NDUFAF6: variants seen among roughly 807,000 people sequenced by gnomAD.
The protein encoded by NDUFAF6 is NADH:ubiquinone oxidoreductase complex assembly factor 6.
Under a neutral mutation model 40.8 loss-of-function variants are expected in NDUFAF6, and 45 were observed. That is an observed-to-expected ratio of 1.10 (90% CI 0.87 to 1.42). The LOEUF (loss-of-function observed/expected upper bound fraction) is 1.42. Among genes scored for constraint, NDUFAF6 ranks in the 40% most tolerant of loss-of-function variants. The pLI is 0.00. For synonymous variants in NDUFAF6, 185 were observed against 155.9 expected (o/e 1.19, Z -1.39); for missense variants, 435 against 418.5 (o/e 1.04, Z -0.34).
At chr8:94,992,440 T>A (rs113053606) in intron 2 of NDUFAF6, among the ~76,000 whole-genome samples, 65 of 152,170 alleles carry the variant, frequency 4.3e-4, no homozygotes, top group African/African-American at 1.4e-3. Context: ...TAAGCTGAGA[T>A]TGCACCACTG....
intron 1 of NDUFAF6, chr8:94,932,003 C>T: frequency 1.4e-6 from 2 of 1,468,304 alleles, no homozygotes; most frequent in Admixed American, 2.1e-5. Context: ...TTTAAAAGGT[C>T]AGCATTTGGG....
At chr8:95,032,346 C>T (rs889266532) in intron 2 of NDUFAF6, among the ~76,000 whole-genome samples, 2 of 152,168 alleles carry the variant, frequency 1.3e-5, no homozygotes, top group African/African-American at 4.8e-5. Context: ...TATTATAAAA[C>T]TGTGCCATTA....
At chr8:95,099,847 G>A (rs183679236), upstream of NDUFAF6, among the ~76,000 whole-genome samples, 2 of 152,186 alleles carry the variant, frequency 1.3e-5, no homozygotes, top group South Asian at 2.1e-4. Flanking sequence ...TCACTAAATC[G>A]TTTCCTATAA....
chr8:95,098,056 T>C (rs1809524546), upstream of NDUFAF6, among the ~76,000 whole-genome samples: 1 of 152,180 alleles, frequency 6.6e-6, no homozygotes, highest in South Asian at 2.1e-4. Flanking sequence ...CAGGTTTCTG[T>C]TGAGAGCAGC....
chr8:95,025,526 C>G (rs953666582), intron 1 of NDUFAF6, among the ~76,000 whole-genome samples: 5 of 152,138 alleles, frequency 3.3e-5, no homozygotes. Context: ...TAGTTTTAAC[C>G]ACAACGGTAG....
At chr8:94,973,675 T>C (rs1824670364) in intron 1 of NDUFAF6, among the ~76,000 whole-genome samples, 1 of 145,414 alleles carries the variant, frequency 6.9e-6, no homozygotes, top group African/African-American at 2.6e-5. Flanking sequence ...ACCACTGCAC[T>C]CCAGCCTGGG....
In NDUFAF6 at chr8:95,058,282, G is replaced by A. The variant is rs867837549; in HGVS notation, c.*345G>A. The A allele has an allele frequency of 8.5e-6, 11 of 1,287,382 alleles. No homozygotes were observed. The African/African-American group carries it at 1.4e-4, about 16-fold the overall frequency. 79.7% of individuals were successfully genotyped at this position (1,287,382 alleles called of 1,614,324 possible). On this transcript the variant is annotated 3_prime_UTR_variant, in exon 9 of 9. Transcript: ENST00000396124. ...GGAATGTCATTCTCCCTTCACCACT[G>A]GGGAAGGAAAGGGGAAAGGGCTCAA...
rs375745099 is a variant in NDUFAF6 at position 94,942,138 on chromosome 8, G to A, written c.-935-3345G>A. ...TCCAAGCTCTGCCTCCCGGGTTCACGCCATTCTCCTGCCTCAGCCTCCCAA... is the reference window on the plus strand; with the variant it reads ...TCCAAGCTCTGCCTCCCGGGTTCACACCATTCTCCTGCCTCAGCCTCCCAA... On this transcript the variant is annotated intron_variant, in intron 1 of 14. Coordinates refer to the NDUFAF6 transcript ENST00000396113. Among the ~76,000 whole-genome samples, 3 of 151,676 alleles carry A rather than the reference G, an allele frequency of 2.0e-5. No individual in the cohort carries two copies. The South Asian group carries it at 6.2e-4, about 32-fold the overall frequency.
At chr8:95,073,836 A>G (rs1335236195) in intron 9 of NDUFAF6, among the ~76,000 whole-genome samples, 3 of 152,150 alleles carry the variant, frequency 2.0e-5, no homozygotes, top group Admixed American at 6.5e-5. Flanking sequence ...AAACCTGCCA[A>G]CCAATCCCAA....
At chr8:95,099,831 GT>G (rs959646004), upstream of NDUFAF6, among the ~76,000 whole-genome samples, 1 of 152,120 alleles carries the variant, frequency 6.6e-6, no homozygotes, top group African/African-American at 2.4e-5. Context: ...CACTACTGTT[GT>G]CTCATCACTA....
chr8:95,031,352 A>G (rs1828816565), intron 1 of NDUFAF6, among the ~76,000 whole-genome samples: 1 of 152,192 alleles, frequency 6.6e-6, no homozygotes, highest in Admixed American at 6.5e-5. Context: ...ATATCTGTCT[A>G]TATGTCTTAA....
upstream of NDUFAF6, among the ~76,000 whole-genome samples, chr8:95,095,515 C>A (rs1482987308): frequency 2.6e-5 from 4 of 152,104 alleles, no homozygotes; most frequent in Non-Finnish European, 5.9e-5. Context: ...GAAGGTCTGT[C>A]CCCCAAGACT....
chr8:94,974,491 T>C (rs545527132), intron 1 of NDUFAF6: 12 of 152,180 alleles, frequency 7.9e-5, no homozygotes, highest in Non-Finnish European at 1.8e-4. Context: ...TTTCAAGATA[T>C]TGCAGACAGT....
At position 94,968,200 on chromosome 8, in the gene NDUFAF6, A is replaced by C. The variant is rs532119363; in HGVS notation, c.-199+10021A>C. Among the ~76,000 whole-genome samples the C allele has an allele frequency of 2.0e-5, 3 of 152,236 alleles. No homozygotes were observed. The East Asian group carries it at 5.8e-4, about 29-fold the overall frequency. On this transcript the variant is annotated intron_variant, in intron 1 of 9. Transcript: ENST00000396111. ...CATCCCATTACTTTTACCATATTTT[A>C]TTTATTTTGAATTACTGCCAATAAG... is the stretch of plus-strand genomic sequence containing the variant.
intron 2 of NDUFAF6, among the ~76,000 whole-genome samples, chr8:95,000,500 A>G (rs1365199165): frequency 6.6e-6 from 1 of 152,182 alleles, no homozygotes; most frequent in Non-Finnish European, 1.5e-5. Context: ...GATTTGCAAT[A>G]ATTAAAAATG....
intron 2 of NDUFAF6, among the ~76,000 whole-genome samples, chr8:94,999,778 A>G (rs1345608529): frequency 6.6e-6 from 1 of 152,186 alleles, no homozygotes; most frequent in Non-Finnish European, 1.5e-5. Context: ...CAAACTACTA[A>G]TAGGCACTAT....
At chr8:94,961,410 A>G (rs1296861059) in intron 1 of NDUFAF6, among the ~76,000 whole-genome samples, 1 of 152,214 alleles carries the variant, frequency 6.6e-6, no homozygotes, top group South Asian at 2.1e-4. Context: ...ATGAAGTCAC[A>G]GCAACCATTA....
At chr8:94,967,344 C>T (rs1173535001) in intron 1 of NDUFAF6, among the ~76,000 whole-genome samples, 1 of 152,204 alleles carries the variant, frequency 6.6e-6, no homozygotes, top group African/African-American at 2.4e-5. Context: ...GTGGCTGAAG[C>T]AGTTCCAGGA....
At chr8:95,063,461 G>T (rs1471850585), downstream of NDUFAF6, among the ~76,000 whole-genome samples, 1 of 152,128 alleles carries the variant, frequency 6.6e-6, no homozygotes, top group Non-Finnish European at 1.5e-5. Flanking sequence ...TCCGGGCATG[G>T]TGGCAGGTGC....
Sources: gnomAD v4.1 joint callset for allele counts (sites outside exome capture counted in the v4.1 genomes callset) on GRCh38, gnomAD v4.1.1 for gene constraint, MANE v1.5 for transcripts, NCBI Gene and HGNC (gene_info 2026-07-23, HGNC 2026-07-21) for gene names.